The following NEGR1 variants were observed in gnomAD, a reference collection of about 807,000 sequenced individuals.
NEGR1 encodes the protein IgLON family member 4.
In NEGR1, 10 loss-of-function variants were observed where a neutral mutation model predicts 40.9. The ratio of observed to expected loss-of-function variants is 0.24; its 90% CI spans 0.15 to 0.42. NEGR1 has a LOEUF of 0.42. Among genes scored for constraint, NEGR1 ranks in the 10% least tolerant of loss-of-function variants. The pLI is 1.00. For missense variants in NEGR1, 352 were observed against 438.9 expected (o/e 0.80, Z 1.77); for synonymous variants, 185 against 166.8 (o/e 1.11, Z -0.84).
intron 6 of NEGR1, among the ~76,000 whole-genome samples, chr1:71,507,776 T>A (rs1349602747): frequency 6.6e-6 from 1 of 152,210 alleles, no homozygotes; most frequent in African/African-American, 2.4e-5. Flanking sequence ...AGGGGAATTA[T>A]AAAAGGTTTA....
At chr1:71,493,334 C>T (rs1646941854) in intron 6 of NEGR1, among the ~76,000 whole-genome samples, 1 of 152,102 alleles carries the variant, frequency 6.6e-6, no homozygotes, top group South Asian at 2.1e-4. Flanking sequence ...TACCCATCTA[C>T]TATCCAAATA....
intron 1 of NEGR1, among the ~76,000 whole-genome samples, chr1:71,941,839 C>T (rs1028081989): frequency 2.0e-5 from 3 of 151,898 alleles, no homozygotes; most frequent in African/African-American, 7.3e-5. Context: ...TAGGTTATAT[C>T]AAAAACTATT....
At chr1:71,788,564 C>CA (rs1232604530) in intron 2 of NEGR1, among the ~76,000 whole-genome samples, 1 of 152,026 alleles carries the variant, frequency 6.6e-6, no homozygotes, top group African/African-American at 2.4e-5. Context: ...CACAAAAACT[C>CA]AAATTTTCAG....
chr1:71,872,011 G>A (rs72931745), intron 2 of NEGR1, among the ~76,000 whole-genome samples: 18,513 of 152,094 alleles, frequency 0.12, 1,218 homozygotes, highest in African/African-American at 0.15. Flanking sequence ...CTTTTAGGCT[G>A]TGCAATCTAT....
intron 1 of NEGR1, among the ~76,000 whole-genome samples, chr1:72,126,779 A>C (rs149624841): frequency 3.9e-5 from 6 of 152,192 alleles, no homozygotes; most frequent in South Asian, 2.1e-4. Context: ...TCATGTCCTC[A>C]TAAGTTCTCC....
chr1:71,857,322 C>T (rs1437372411), intron 2 of NEGR1, among the ~76,000 whole-genome samples: 2 of 151,364 alleles, frequency 1.3e-5, no homozygotes, highest in African/African-American at 4.9e-5. Context: ...AAAATCTGAC[C>T]ACAAACAGGC....
At chr1:71,594,836 G>A (rs547185398) in intron 5 of NEGR1, among the ~76,000 whole-genome samples, 42 of 152,158 alleles carry the variant, frequency 2.8e-4, no homozygotes, top group African/African-American at 8.9e-4. Flanking sequence ...GAATTTGCCC[G>A]CATCTTTGTG....
chr1:71,695,501 C>A (rs1372435751), intron 4 of NEGR1, among the ~76,000 whole-genome samples: 3 of 151,778 alleles, frequency 2.0e-5, no homozygotes, highest in South Asian at 2.1e-4. Context: ...CACTTCCCTA[C>A]TGTTTTAAAA....
At chr1:72,075,328 G>T (rs996304034) in intron 1 of NEGR1, among the ~76,000 whole-genome samples, 3 of 152,070 alleles carry the variant, frequency 2.0e-5, no homozygotes, top group Non-Finnish European at 4.4e-5. Flanking sequence ...TAGTGTTACA[G>T]AAAACAGGCA....
intron 2 of NEGR1, among the ~76,000 whole-genome samples, chr1:71,894,146 G>A (rs1381556065): frequency 1.3e-4 from 17 of 133,864 alleles, no homozygotes; most frequent in South Asian, 2.7e-4. Context: ...TGGGTGCAGC[G>A]CACCAGCATG....
intron 1 of NEGR1, among the ~76,000 whole-genome samples, chr1:72,039,245 T>A (rs1170249140): frequency 6.6e-6 from 1 of 152,030 alleles, no homozygotes; most frequent in East Asian, 1.9e-4. Flanking sequence ...AATATTGTGC[T>A]AAGGACATTA....
At chr1:71,715,865 C>T (rs1448130373) in intron 3 of NEGR1, among the ~76,000 whole-genome samples, 1 of 152,118 alleles carries the variant, frequency 6.6e-6, no homozygotes, top group African/African-American at 2.4e-5. Context: ...CTTTTGAACC[C>T]TCCAAACTGT....
intron 2 of NEGR1, among the ~76,000 whole-genome samples, chr1:71,813,961 A>G (rs191006090): frequency 2.0e-5 from 3 of 152,092 alleles, no homozygotes; most frequent in Admixed American, 6.6e-5. Context: ...AGAACTTCCA[A>G]TACTATGTGG....
At chr1:71,927,386 C>T (rs1281930252) in intron 2 of NEGR1, among the ~76,000 whole-genome samples, 1 of 152,058 alleles carries the variant, frequency 6.6e-6, no homozygotes, top group Non-Finnish European at 1.5e-5. Context: ...CTAAATTTGT[C>T]TGTGAAGGTA....
At chr1:71,760,164 A>T (rs1655892288) in intron 3 of NEGR1, among the ~76,000 whole-genome samples, 1 of 152,122 alleles carries the variant, frequency 6.6e-6, no homozygotes. Context: ...TAAGAAAAAA[A>T]ATCTTTTATG....
At chr1:72,228,042 A>G (rs1303413581) in intron 1 of NEGR1, among the ~76,000 whole-genome samples, 2 of 152,100 alleles carry the variant, frequency 1.3e-5, no homozygotes, top group Non-Finnish European at 2.9e-5. Context: ...TGCCCTTAGA[A>G]AGATGCCTTG....
intron 6 of NEGR1, among the ~76,000 whole-genome samples, chr1:71,561,275 T>C (rs1291829769): frequency 6.6e-6 from 1 of 151,652 alleles, no homozygotes; most frequent in African/African-American, 2.4e-5. Flanking sequence ...AACACTCAAA[T>C]TTCAATTTTT....
intron 1 of NEGR1, among the ~76,000 whole-genome samples, chr1:72,222,311 T>C (rs952951740): frequency 6.6e-6 from 1 of 152,124 alleles, no homozygotes. Flanking sequence ...ATGAGGACTC[T>C]AGCTGCAAGC....
chr1:72,171,846 A>G (rs1309649952), intron 1 of NEGR1, among the ~76,000 whole-genome samples: 2 of 152,202 alleles, frequency 1.3e-5, no homozygotes, highest in African/African-American at 4.8e-5. Context: ...TTAAATGGAT[A>G]TAAAAATCTT....
Sources: gnomAD v4.1 joint callset for allele counts (sites outside exome capture counted in the v4.1 genomes callset) on GRCh38, gnomAD v4.1.1 for gene constraint, MANE v1.5 for transcripts, NCBI Gene and HGNC (gene_info 2026-07-23, HGNC 2026-07-21) for gene names.